The following NF1 variants were observed in gnomAD, a reference collection of about 807,000 sequenced individuals.
NF1 encodes the protein neurofibromin.
Under a neutral mutation model 325.7 loss-of-function variants are expected in NF1, and 122 were observed. The observed-to-expected ratio is 0.37, with a 90% CI of 0.32 to 0.44. The LOEUF is 0.44. Ranked by LOEUF, NF1 falls within the 20% of genes least tolerant of loss-of-function variation. The probability of loss-of-function intolerance (pLI) is 1.00; values close to 1 mark genes in which losing one functional copy is unlikely to be tolerated. For missense variants in NF1, 2,140 were observed against 3,415.4 expected (o/e 0.63, Z 9.31); for synonymous variants, 1,091 against 1,186.0 (o/e 0.92, Z 1.65).
chr17:31,286,946 G>T (rs1018701054), intron 36 of NF1, among the ~76,000 whole-genome samples: 4 of 152,196 alleles, frequency 2.6e-5, no homozygotes, highest in African/African-American at 9.7e-5. Context: ...GAAGCATTCA[G>T]TATGTTTCAA....
chr17:31,276,576 A>G (rs757804823), intron 36 of NF1, among the ~76,000 whole-genome samples: 1 of 152,236 alleles, frequency 6.6e-6, no homozygotes, highest in Non-Finnish European at 1.5e-5. Flanking sequence ...CCTTATCTGC[A>G]TAGATGGGAG....
intron 1 of NF1, among the ~76,000 whole-genome samples, chr17:31,104,092 CCAAA>C (rs1199560679): frequency 1.3e-5 from 2 of 152,108 alleles, no homozygotes; most frequent in African/African-American, 4.8e-5. Context: ...CTGCACCCAA[CCAAA>C]CATTTTGTCC....
At chr17:31,146,843 A>T (rs1461214116) in intron 1 of NF1, among the ~76,000 whole-genome samples, 2 of 152,104 alleles carry the variant, frequency 1.3e-5, no homozygotes, top group Non-Finnish European at 2.9e-5. Context: ...TAGTCATTTG[A>T]TGTGGGTTAT....
intron 36 of NF1, chr17:31,307,937 G>A (rs759176755): frequency 7.8e-7 from 1 of 1,288,228 alleles, no homozygotes; most frequent in South Asian, 1.2e-5. Flanking sequence ...CTACCACTTG[G>A]TACACAGTGA....
chr17:31,264,512 T>C (rs2067751928), intron 35 of NF1, among the ~76,000 whole-genome samples: 1 of 151,302 alleles, frequency 6.6e-6, no homozygotes, highest in African/African-American at 2.4e-5. Flanking sequence ...ATGAAAGAGG[T>C]TAGGAGATGC....
At position 31,324,009 on chromosome 17, in the gene NF1, G is replaced by A. The variant is rs139028512; in HGVS notation, c.4836-1811G>A. The stretch of plus-strand genomic sequence containing the variant: ...ACAAGATTAAAAATTCTGAGGTGAA[G>A]TTTTTTATTGATACATGATAATTTG... On this transcript the variant is annotated intron_variant, in intron 36 of 57. Coordinates refer to ENST00000358273, the MANE Select transcript of NF1 (RefSeq NM_001042492.3). Among the ~76,000 whole-genome samples, 1,151 of 152,232 alleles carry A rather than the reference G, an allele frequency of 7.6e-3. 11 individuals carry two copies. The highest frequency in any genetic ancestry group is 0.012 in the East Asian group (64 of 5,194).
In NF1 at chr17:31,318,615, C is replaced by T. The variant is rs751342237; in HGVS notation, c.4836-7205C>T. On this transcript the variant is annotated intron_variant, in intron 36 of 57. Transcript: ENST00000358273. ...TTATAATTAAGCAAATTAGCATAGC[C>T]ATGTTGTTGTTGTTTTCCGCACAGA... 1.5e-5 allele frequency: 24 copies of T among 1,613,850 alleles called. No homozygotes were observed. In the Admixed American group the frequency reaches 4.0e-4, roughly 27 times the overall value.
intron 38 of NF1, among the ~76,000 whole-genome samples, chr17:31,329,332 A>G (rs17883702): frequency 1.3e-5 from 2 of 152,208 alleles, no homozygotes; most frequent in East Asian, 3.9e-4. Flanking sequence ...GTAAACCTGT[A>G]TTCTTCTCTA....
chr17:31,097,445 G>A (rs1911838293), intron 1 of NF1, among the ~76,000 whole-genome samples: 2 of 134,520 alleles, frequency 1.5e-5, no homozygotes, highest in South Asian at 2.5e-4. Flanking sequence ...GCGACAGAGC[G>A]AGACTCTTGT....
At chr17:31,334,343 T>C (rs953097183) in intron 39 of NF1, among the ~76,000 whole-genome samples, 3 of 151,978 alleles carry the variant, frequency 2.0e-5, no homozygotes, top group Non-Finnish European at 2.9e-5. Flanking sequence ...GAAAAAAATA[T>C]TCAGAGCCTA....
chr17:31,313,432 G>A lies in NF1; in HGVS notation c.4836-12388G>A, dbSNP rs17886652. Among the ~76,000 whole-genome samples, 103 of 151,966 alleles carry A rather than the reference G, an allele frequency of 6.8e-4. 1 individual carries two copies. The highest frequency in any genetic ancestry group is 2.3e-3 in the African/African-American group (97 of 41,428). ...AACAAATATGATTGTGGCTGGGAGCGGTGGCTCACTCCTGTAATCCCAGCA... is the reference window on the plus strand; with the variant it reads ...AACAAATATGATTGTGGCTGGGAGCAGTGGCTCACTCCTGTAATCCCAGCA... On this transcript the variant is annotated intron_variant, in intron 36 of 57. Transcript: ENST00000358273.
At chr17:31,196,955 G>T (rs1248802888) in intron 8 of NF1, among the ~76,000 whole-genome samples, 1 of 152,152 alleles carries the variant, frequency 6.6e-6, no homozygotes, top group East Asian at 1.9e-4. Flanking sequence ...TTTCAAATAA[G>T]AAAGTGTGAG....
rs191396907 is a variant in NF1 at position 31,139,527 on chromosome 17, G to A, written c.61-16456G>A. 6.0e-3 allele frequency among the ~76,000 whole-genome samples: 916 copies of A among 151,930 alleles called. 3 individuals carry two copies. Among genetic ancestry groups the A allele is most frequent in the Non-Finnish European group, 0.011 (714 of 67,960 alleles). ...ATTATTTTTGTCAATTATACCTCAA[G>A]CTGGAAAAAAATGCAGATCTACTCT... On this transcript the variant is annotated intron_variant, in intron 1 of 57. Coordinates refer to ENST00000358273, the MANE Select transcript of NF1 (RefSeq NM_001042492.3).
At chr17:31,230,456 T>C in intron 23 of NF1, 74 bp downstream of exon 23, 4 of 1,553,032 alleles carry the variant, frequency 2.6e-6, no homozygotes, top group South Asian at 2.2e-5. Context: ...AAAGAGTAGA[T>C]ATGCGGTTAT....
chr17:31,223,020 T>C (rs1166434380), intron 15 of NF1, among the ~76,000 whole-genome samples: 1 of 152,210 alleles, frequency 6.6e-6, no homozygotes, highest in Non-Finnish European at 1.5e-5. Context: ...CGGGCATGGC[T>C]GTGTTTAACT....
intron 31 of NF1, among the ~76,000 whole-genome samples, chr17:31,254,549 A>C (rs2067549937): frequency 6.6e-6 from 1 of 152,094 alleles, no homozygotes; most frequent in African/African-American, 2.4e-5. Flanking sequence ...AATGTACACC[A>C]TCATTGTTGA....
rs1487378064 is a variant in NF1 at position 31,294,802 on chromosome 17, A to G, written c.4835+29463A>G. ...AAGAAACTCATTAGTTTACTTAATTAAGACAGTAAAATAGCAGCAAGTACC... is the reference window on the plus strand; with the variant it reads ...AAGAAACTCATTAGTTTACTTAATTGAGACAGTAAAATAGCAGCAAGTACC... On this transcript the variant is annotated intron_variant, in intron 36 of 57. Coordinates refer to ENST00000358273, the MANE Select transcript of NF1 (RefSeq NM_001042492.3). 4 of 624,236 alleles carry G rather than the reference A, an allele frequency of 6.4e-6. No individual in the cohort carries two copies. The Admixed American group carries it at 1.2e-4, about 18-fold the overall frequency. 38.7% of individuals were successfully genotyped at this position (624,236 alleles called of 1,614,324 possible).
At chr17:31,177,006 A>G (rs1489193601) in intron 5 of NF1, among the ~76,000 whole-genome samples, 1 of 152,134 alleles carries the variant, frequency 6.6e-6, no homozygotes, top group Non-Finnish European at 1.5e-5. Context: ...CTGGTTTCAT[A>G]TGAAATTTAA....
intron 36 of NF1, chr17:31,305,713 C>G (rs919474444): frequency 3.3e-6 from 4 of 1,198,376 alleles, no homozygotes; most frequent in East Asian, 4.9e-5. Flanking sequence ...ATTATGATTC[C>G]TGGCATAAAG....
Sources: gnomAD v4.1 joint callset for allele counts (sites outside exome capture counted in the v4.1 genomes callset) on GRCh38, gnomAD v4.1.1 for gene constraint, MANE v1.5 for transcripts, NCBI Gene and HGNC (gene_info 2026-07-23, HGNC 2026-07-21) for gene names.